The following WIPF3 variants were observed in gnomAD, a reference collection of about 807,000 sequenced individuals.
WIPF3 encodes WAS/WASL interacting protein family member 3, also known as WAS/WASL-interacting protein family member 3.
A neutral mutation model predicts 38.9 loss-of-function variants in WIPF3; 33 were observed. The ratio of observed to expected loss-of-function variants is 0.85; its 90% confidence interval spans 0.64 to 1.14. The LOEUF is 1.14. WIPF3 is among the 50% of genes most tolerant of loss of function. The probability of loss-of-function intolerance (pLI) is 0.00; values close to 1 mark genes in which losing one functional copy is unlikely to be tolerated. For synonymous variants in WIPF3, 324 were observed against 269.3 expected (o/e 1.20, Z -1.99); for missense variants, 711 against 652.5 (o/e 1.09, Z -0.98).
chr7:29,846,257 A>T (rs968579230), intron 2 of WIPF3, among the ~76,000 whole-genome samples: 2 of 152,226 alleles, frequency 1.3e-5, no homozygotes, highest in Non-Finnish European at 2.9e-5. Flanking sequence ...AAGATTTTTT[A>T]AAAATTCACA....
intron 2 of WIPF3, among the ~76,000 whole-genome samples, chr7:29,835,254 C>T (rs1198119823): frequency 3.3e-5 from 5 of 152,058 alleles, no homozygotes; most frequent in African/African-American, 7.2e-5. Context: ...AATGCCACAA[C>T]GAGATATAAA....
chr7:29,898,795 T>C (rs1006175761), intron 7 of WIPF3, among the ~76,000 whole-genome samples: 3 of 152,358 alleles, frequency 2.0e-5, no homozygotes, highest in South Asian at 4.1e-4. Flanking sequence ...CAATTTCTTT[T>C]CTACCTAAAT....
intron 2 of WIPF3, among the ~76,000 whole-genome samples, chr7:29,854,190 C>T (rs1258192081): frequency 6.6e-6 from 1 of 152,174 alleles, no homozygotes; most frequent in South Asian, 2.1e-4. Context: ...ACACCAAAGC[C>T]TCATGTTACA....
At chr7:29,813,283 C>T (rs1235153957) in intron 1 of WIPF3, among the ~76,000 whole-genome samples, 1 of 152,198 alleles carries the variant, frequency 6.6e-6, no homozygotes, top group East Asian at 1.9e-4. Context: ...ATTCAGTTTC[C>T]ACACATAGCC....
At position 29,903,569 on chromosome 7, in the gene WIPF3, G is replaced by A. The variant is rs76458987; in HGVS notation, c.1352-717G>A. On this transcript the variant is annotated intron_variant, in intron 7 of 8. Coordinates refer to ENST00000242140, the MANE Select transcript of WIPF3 (RefSeq NM_001080529.3). The stretch of plus-strand genomic sequence containing the variant: ...ATAGGTGTCCTACCAGTGCAACAGA[G>A]GAAACACCATTTGGAATAACCAGTT... 4.9e-3 allele frequency among the ~76,000 whole-genome samples: 748 copies of A among 152,194 alleles called. 16 individuals are homozygous for A. In the East Asian group the frequency reaches 0.057, roughly 12 times the overall value.
chr7:29,870,763 C>T (rs1420272613), intron 2 of WIPF3, among the ~76,000 whole-genome samples: 2 of 152,064 alleles, frequency 1.3e-5, no homozygotes, highest in Non-Finnish European at 1.5e-5. Context: ...GATATCAGAC[C>T]TTGGCCAACA....
chr7:29,857,914 T>G (rs1344273747), intron 2 of WIPF3, among the ~76,000 whole-genome samples: 1 of 152,176 alleles, frequency 6.6e-6, no homozygotes, highest in Non-Finnish European at 1.5e-5. Context: ...TTTTTAAAGA[T>G]TCATCATCTT....
At chr7:29,879,475 A>G (rs1394560698) in intron 4 of WIPF3, among the ~76,000 whole-genome samples, 3 of 152,254 alleles carry the variant, frequency 2.0e-5, no homozygotes, top group African/African-American at 4.8e-5. Context: ...AGAACTTCAT[A>G]GTGACATCAC....
intron 2 of WIPF3, among the ~76,000 whole-genome samples, chr7:29,867,032 A>G (rs941859850): frequency 6.6e-6 from 1 of 152,260 alleles, no homozygotes; most frequent in Non-Finnish European, 1.5e-5. Context: ...CCTACATTAT[A>G]GAATTGTTCA....
chr7:29,895,129 C>G (rs1786110403), intron 7 of WIPF3, among the ~76,000 whole-genome samples: 1 of 151,996 alleles, frequency 6.6e-6, no homozygotes, highest in African/African-American at 2.4e-5. Context: ...TCAGTACAGA[C>G]AGGGTTTCAT....
At position 29,915,529 on chromosome 7, in the gene WIPF3, C is replaced by G. The variant is rs955806049; in HGVS notation, c.*1013C>G. The G allele has an allele frequency of 2.0e-5, 3 of 152,216 alleles. No individual in the cohort carries two copies. Among genetic ancestry groups the G allele is most frequent in the Non-Finnish European group, 4.4e-5 (3 of 68,048 alleles). The allele number at this position is 152,216 out of a possible 1,614,324, so 9.4% of individuals were successfully genotyped here. ...CCCCATCTTAGGATCCTTGGAGCCA[C>G]CCGTCAGGCAAAACCTAGCTCCCTT... is the stretch of plus-strand genomic sequence containing the variant. On this transcript the variant is annotated 3_prime_UTR_variant, in exon 9 of 9. Coordinates refer to ENST00000242140, the MANE Select transcript of WIPF3 (RefSeq NM_001080529.3).
intron 1 of WIPF3, among the ~76,000 whole-genome samples, chr7:29,812,838 A>T (rs1258646219): frequency 2.0e-5 from 3 of 152,270 alleles, no homozygotes; most frequent in African/African-American, 7.2e-5. Context: ...ACAGAAGGTG[A>T]CTCAGTAATT....
At chr7:29,898,856 T>A (rs1786214323) in intron 7 of WIPF3, among the ~76,000 whole-genome samples, 1 of 152,258 alleles carries the variant, frequency 6.6e-6, no homozygotes, top group African/African-American at 2.4e-5. Flanking sequence ...TACTTTTTAG[T>A]ATACTTTCTC....
At chr7:29,841,601 A>G (rs1181878333) in intron 2 of WIPF3, among the ~76,000 whole-genome samples, 1 of 152,214 alleles carries the variant, frequency 6.6e-6, no homozygotes, top group Non-Finnish European at 1.5e-5. Flanking sequence ...ACTTGAGGTC[A>G]GGAGTTCAAG....
chr7:29,866,862 C>G (rs1382564775), intron 2 of WIPF3, among the ~76,000 whole-genome samples: 3 of 152,240 alleles, frequency 2.0e-5, no homozygotes, highest in African/African-American at 7.2e-5. Flanking sequence ...CTCCCAGCTT[C>G]AGGCCTGTCT....
chr7:29,911,249 A>G (rs1786499740), intron 8 of WIPF3, among the ~76,000 whole-genome samples: 1 of 152,218 alleles, frequency 6.6e-6, no homozygotes. Flanking sequence ...CATGGCTGAA[A>G]TAAATTAAAT....
At chr7:29,836,710 G>A (rs575176482) in intron 2 of WIPF3, among the ~76,000 whole-genome samples, 45 of 152,222 alleles carry the variant, frequency 3.0e-4, no homozygotes, top group African/African-American at 9.6e-4. Flanking sequence ...TACATCTGGC[G>A]GGGCACAGTG....
rs1317536544 is a variant in WIPF3 at position 29,878,488 on chromosome 7, G to T, written c.224-521G>T. Among the ~76,000 whole-genome samples the T allele has an allele frequency of 2.6e-5, 4 of 152,264 alleles. No homozygotes were observed. In the East Asian group the frequency reaches 7.7e-4, roughly 29 times the overall value. On this transcript the variant is annotated intron_variant, in intron 3 of 8. Coordinates refer to ENST00000242140, the MANE Select transcript of WIPF3 (RefSeq NM_001080529.3). The surrounding 1 kb of genome is among the most constrained non-coding windows in gnomAD (Gnocchi z 4.0). ...GGTGCGAGGGGCTGGGGGCTTGAGG[G>T]CTGGAGAGACAGGAAGGAAACTGCC...
intron 2 of WIPF3, among the ~76,000 whole-genome samples, chr7:29,871,766 T>G (rs754169357): frequency 2.0e-5 from 3 of 152,238 alleles, no homozygotes; most frequent in Non-Finnish European, 4.4e-5. Context: ...CCTCCGTATT[T>G]TTTTTATTCT....
Sources: gnomAD v4.1 joint callset for allele counts (sites outside exome capture counted in the v4.1 genomes callset) on GRCh38, gnomAD v4.1.1 for gene constraint, Gnocchi (gnomAD v3.1) non-coding constraint, MANE v1.5 for transcripts, NCBI Gene and HGNC (gene_info 2026-07-23, HGNC 2026-07-21) for gene names.